Variants in FUT8 observed in about 807,000 individuals in gnomAD.
The protein encoded by FUT8 is alpha-(1,6)-fucosyltransferase.
In FUT8, 29 loss-of-function variants were observed where a neutral mutation model predicts 71.3. The ratio of observed to expected loss-of-function variants is 0.41; its 90% CI spans 0.30 to 0.55. FUT8 has a LOEUF of 0.55. Ranked by LOEUF, FUT8 falls within the 20% of genes least tolerant of loss-of-function variation. The pLI, the probability that FUT8 is intolerant of heterozygous loss-of-function variation, is 0.34. For synonymous variants in FUT8, 254 were observed against 239.3 expected (o/e 1.06, Z -0.57); for missense variants, 544 against 702.1 (o/e 0.77, Z 2.55).
intron 1 of FUT8, among the ~76,000 whole-genome samples, chr14:65,424,539 CTTTTTTTT>C (rs796843891): frequency 8.0e-6 from 1 of 125,448 alleles, no homozygotes; most frequent in African/African-American, 3.0e-5. Flanking sequence ...CTTTTCTTTT[CTTTTTTTT>C]TTTTTTTTTT....
intron 6 of FUT8, among the ~76,000 whole-genome samples, chr14:65,646,986 G>C (rs1891152922): frequency 6.6e-6 from 1 of 152,128 alleles, no homozygotes; most frequent in African/African-American, 2.4e-5. Context: ...TCATAAATTT[G>C]ACCTATCTAA....
At chr14:65,363,843 A>G in the FUT8 span, among the ~76,000 whole-genome samples, 7 of 152,220 alleles carry the variant, frequency 4.6e-5, no homozygotes, top group African/African-American at 1.4e-4. Context: ...GAAGGCTGCC[A>G]TGCTTTCTAA....
chr14:65,410,123 T>C (rs537570774), upstream of FUT8, among the ~76,000 whole-genome samples: 2 of 152,330 alleles, frequency 1.3e-5, no homozygotes, highest in Non-Finnish European at 2.9e-5. Flanking sequence ...TCCTTCTCTC[T>C]CAGAATTTAA....
intron 1 of FUT8, among the ~76,000 whole-genome samples, chr14:65,415,427 T>TAAG (rs2065204997): frequency 6.6e-6 from 1 of 152,216 alleles, no homozygotes. Flanking sequence ...TTATTGGATT[T>TAAG]CTCACTTAAA....
intron 1 of FUT8, among the ~76,000 whole-genome samples, chr14:65,438,695 A>G (rs1346917003): frequency 6.6e-6 from 1 of 152,140 alleles, no homozygotes; most frequent in Non-Finnish European, 1.5e-5. Context: ...TGCTGAACCC[A>G]CGATCCTTCA....
At chr14:65,726,493 G>A (rs981699320) in intron 9 of FUT8, among the ~76,000 whole-genome samples, 1 of 152,220 alleles carries the variant, frequency 6.6e-6, no homozygotes, top group East Asian at 1.9e-4. Context: ...AAGAGAGCTT[G>A]TGCAGGGAAA....
chr14:65,686,153 C>T (rs1411408919), intron 7 of FUT8, among the ~76,000 whole-genome samples: 1 of 152,140 alleles, frequency 6.6e-6, no homozygotes, highest in South Asian at 2.1e-4. Context: ...GAGAAGACAC[C>T]TCAGAAATGG....
At chr14:65,729,552 A>T (rs1270092991) in intron 9 of FUT8, among the ~76,000 whole-genome samples, 1 of 149,030 alleles carries the variant, frequency 6.7e-6, no homozygotes, top group Non-Finnish European at 1.5e-5. Flanking sequence ...TTTTAAATAC[A>T]GGGTCCAGGC....
Position 65,629,515 on chromosome 14 carries a change from A to G in FUT8, c.506A>G (p.Tyr169Cys). ...HERSIMTDLY[Y>C]LSQTDGAGDW... Reference sequence around the variant, plus strand: ...AGGTCTATAATGACGGATCTATACTACCTCAGTCAGACAGATGGAGCAGGT... The same window carrying G: ...AGGTCTATAATGACGGATCTATACTGCCTCAGTCAGACAGATGGAGCAGGT... The change falls in exon 6 of 11, where the codon TAC (tyrosine) becomes TGC (cysteine). Residue 169 changes from tyrosine to cysteine, a missense_variant. Physicochemically the swap from Tyr to Cys is radical, Grantham distance 194. Coordinates refer to ENST00000673929, the MANE Select transcript of FUT8 (RefSeq NM_001371533.1). 1 of 1,613,660 alleles carries G rather than the reference A, an allele frequency of 6.2e-7. No homozygotes were observed. The highest frequency in any genetic ancestry group is 8.5e-7 in the Non-Finnish European group (1 of 1,179,558).
intron 3 of FUT8, among the ~76,000 whole-genome samples, chr14:65,601,884 C>T (rs912660345): frequency 1.3e-4 from 19 of 151,994 alleles, no homozygotes; most frequent in Non-Finnish European, 2.6e-4. Context: ...TCAGATTGAA[C>T]AAGTATTGAT....
intron 1 of FUT8, among the ~76,000 whole-genome samples, chr14:65,454,149 A>G (rs1040388272): frequency 6.6e-5 from 10 of 152,348 alleles, no homozygotes; most frequent in African/African-American, 2.4e-4. Context: ...GGAAGCATAC[A>G]TTTCACACTA....
At chr14:65,451,293 G>A (rs938106747) in intron 1 of FUT8, among the ~76,000 whole-genome samples, 2 of 152,240 alleles carry the variant, frequency 1.3e-5, no homozygotes, top group Non-Finnish European at 1.5e-5. Flanking sequence ...GACCCACTGC[G>A]TTCTGCCCCT....
At chr14:65,367,850 C>A in the FUT8 span, among the ~76,000 whole-genome samples, 25 of 152,154 alleles carry the variant, frequency 1.6e-4, no homozygotes, top group Admixed American at 6.6e-4. Flanking sequence ...ATTCCCCCAT[C>A]TCTTTACTCC....
Position 65,521,385 on chromosome 14 carries a change from C to A in FUT8, c.-227-39952C>A, listed in dbSNP as rs528887300. On this transcript the variant is annotated intron_variant, in intron 2 of 10. Coordinates refer to ENST00000673929, the MANE Select transcript of FUT8 (RefSeq NM_001371533.1). ...ATTAATGGCTTCTTTTATACACTCACAATATTTATACTTTTCTTTAAGTAT... is the reference window on the plus strand; with the variant it reads ...ATTAATGGCTTCTTTTATACACTCAAAATATTTATACTTTTCTTTAAGTAT... Among the ~76,000 whole-genome samples, 41 of 152,254 alleles carry A rather than the reference C, an allele frequency of 2.7e-4. 1 individual carries two copies. Among genetic ancestry groups the A allele is most frequent in the African/African-American group, 7.9e-4 (33 of 41,548 alleles).
chr14:65,592,768 G>A (rs1045100166), intron 3 of FUT8, among the ~76,000 whole-genome samples: 3 of 152,102 alleles, frequency 2.0e-5, no homozygotes, highest in East Asian at 1.9e-4. Context: ...GAACCTGAAT[G>A]TGTTGTCAGC....
intron 10 of FUT8, among the ~76,000 whole-genome samples, chr14:65,734,833 C>T (rs1896140817): frequency 6.6e-6 from 1 of 152,164 alleles, no homozygotes; most frequent in South Asian, 2.1e-4. Flanking sequence ...GTCAACTCCT[C>T]TAGTCCAGGT....
At chr14:65,567,555 A>G (rs1439093238) in intron 3 of FUT8, among the ~76,000 whole-genome samples, 1 of 151,988 alleles carries the variant, frequency 6.6e-6, no homozygotes, top group South Asian at 2.1e-4. Context: ...AGAAGTGTAC[A>G]TATATTCTTA....
chr14:65,658,934 T>G (rs1838877161), intron 6 of FUT8, among the ~76,000 whole-genome samples: 1 of 152,128 alleles, frequency 6.6e-6, no homozygotes, highest in Non-Finnish European at 1.5e-5. Flanking sequence ...TAATGTCAAT[T>G]TCCTGATTTT....
intron 3 of FUT8, among the ~76,000 whole-genome samples, chr14:65,604,450 C>T (rs1436148831): frequency 1.3e-5 from 2 of 151,874 alleles, no homozygotes; most frequent in Non-Finnish European, 1.5e-5. Flanking sequence ...CCAAAGGAAC[C>T]TTTAAAACCA....
Sources: gnomAD v4.1 joint callset for allele counts (sites outside exome capture counted in the v4.1 genomes callset) on GRCh38, gnomAD v4.1.1 for gene constraint, MANE v1.5 for transcripts, NCBI Gene and HGNC (gene_info 2026-07-23, HGNC 2026-07-21) for gene names.